CTNND2: variants seen among roughly 807,000 people sequenced by gnomAD.
CTNND2 encodes the protein catenin delta-2.
A neutral mutation model predicts 144.4 loss-of-function variants in CTNND2; 22 were observed. That is an observed-to-expected ratio of 0.15 (90% CI 0.11 to 0.22). The LOEUF (loss-of-function observed/expected upper bound fraction) is 0.22. Among genes scored for constraint, CTNND2 ranks in the 10% least tolerant of loss-of-function variants. The pLI is 1.00. For missense variants in CTNND2, 1,353 were observed against 1,618.8 expected, an observed-to-expected ratio of 0.84 and a Z score of 2.82; for synonymous variants, 751 against 695.6, an observed-to-expected ratio of 1.08 and a Z score of -1.25.
At chr5:11,036,217 A>G (rs1744049316) in intron 16 of CTNND2, among the ~76,000 whole-genome samples, 1 of 152,122 alleles carries the variant, frequency 6.6e-6, no homozygotes, top group Non-Finnish European at 1.5e-5. Context: ...TTTTAAATTA[A>G]TATTTAGCAA....
intron 2 of CTNND2, among the ~76,000 whole-genome samples, chr5:11,663,313 G>A (rs968767611): frequency 6.6e-6 from 1 of 152,124 alleles, no homozygotes; most frequent in African/African-American, 2.4e-5. Flanking sequence ...TCCCATTAAA[G>A]AGAAGATATT....
chr5:11,130,450 C>T (rs1755476327), intron 12 of CTNND2, among the ~76,000 whole-genome samples: 1 of 152,186 alleles, frequency 6.6e-6, no homozygotes, highest in Non-Finnish European at 1.5e-5. Context: ...AAGACACCCT[C>T]TTGCTGTCAA....
intron 11 of CTNND2, among the ~76,000 whole-genome samples, chr5:11,167,481 T>C (rs10513079): frequency 0.079 from 12,044 of 152,192 alleles, 815 homozygotes; most frequent in East Asian, 0.33. Context: ...ACTGACTAAA[T>C]TTACCTGGGT....
At chr5:11,443,458 G>GGT (rs572032623) in intron 3 of CTNND2, among the ~76,000 whole-genome samples, 4 of 148,462 alleles carry the variant, frequency 2.7e-5, no homozygotes, top group Non-Finnish European at 4.5e-5. Flanking sequence ...ATGTCTGTGC[G>GGT]GTGTGTGTGT....
At chr5:11,145,751 C>T (rs1357038195) in intron 12 of CTNND2, among the ~76,000 whole-genome samples, 2 of 152,126 alleles carry the variant, frequency 1.3e-5, no homozygotes, top group Non-Finnish European at 2.9e-5. Context: ...TCCATGGTTC[C>T]ACGCAGTCTA....
intron 2 of CTNND2, among the ~76,000 whole-genome samples, chr5:11,689,872 A>G (rs939595049): frequency 6.6e-6 from 1 of 152,208 alleles, no homozygotes; most frequent in Admixed American, 6.6e-5. Context: ...GTAACACAGC[A>G]GAAGCTATTT....
intron 9 of CTNND2, among the ~76,000 whole-genome samples, chr5:11,306,214 G>C (rs1272297717): frequency 2.6e-5 from 4 of 152,216 alleles, no homozygotes; most frequent in Non-Finnish European, 5.9e-5. Context: ...GAAGAGGCAA[G>C]AGATGATGCT....
intron 5 of CTNND2, among the ~76,000 whole-genome samples, chr5:11,407,470 A>C (rs1761186262): frequency 6.6e-6 from 1 of 152,242 alleles, no homozygotes; most frequent in Admixed American, 6.5e-5. Context: ...CAGAGCAGTT[A>C]CTGCTTGTCT....
chr5:11,121,632 A>T lies in CTNND2; in HGVS notation c.2160-4065T>A, dbSNP rs1469901464. ...AAAGACCAATCTATTTTTTATTTTA[A>T]TGCAACTAAACTGCTTCCTTTCCCC... On this transcript the variant is annotated intron_variant, in intron 12 of 21. Transcript: ENST00000304623. 4.6e-5 allele frequency among the ~76,000 whole-genome samples: 7 copies of T among 152,210 alleles called. No homozygotes were observed. In the South Asian group the frequency reaches 1.2e-3, roughly 27 times the overall value.
intron 2 of CTNND2, among the ~76,000 whole-genome samples, chr5:11,584,021 T>C (rs912137225): frequency 6.6e-6 from 1 of 152,216 alleles, no homozygotes; most frequent in Non-Finnish European, 1.5e-5. Flanking sequence ...CACGATAATG[T>C]GGGTGCAGTT....
At chr5:11,546,280 T>G (rs1399302405) in intron 3 of CTNND2, among the ~76,000 whole-genome samples, 1 of 81,952 alleles carries the variant, frequency 1.2e-5, no homozygotes, top group Non-Finnish European at 2.3e-5. Flanking sequence ...GATTTATATC[T>G]CAATAAAGCC....
intron 2 of CTNND2, among the ~76,000 whole-genome samples, chr5:11,684,095 T>C (rs1273474784): frequency 6.6e-6 from 1 of 152,142 alleles, no homozygotes; most frequent in African/African-American, 2.4e-5. Flanking sequence ...TATTTATTTT[T>C]ATTTTTATTT....
chr5:11,278,300 C>T lies in CTNND2; in HGVS notation c.1629-41477G>A, dbSNP rs554439365. ...TCTCTCTCCTGCCTCTGCTTCCTCACTGGGCTTCTTTTACAGGTCCTATTT... is the reference window on the plus strand; with the variant it reads ...TCTCTCTCCTGCCTCTGCTTCCTCATTGGGCTTCTTTTACAGGTCCTATTT... On this transcript the variant is annotated intron_variant, in intron 9 of 21. Transcript: ENST00000304623. Among the ~76,000 whole-genome samples, 3 of 152,332 alleles carry T rather than the reference C, an allele frequency of 2.0e-5. No individual in the cohort carries two copies. The South Asian group carries it at 6.2e-4, about 32-fold the overall frequency.
Position 11,221,493 on chromosome 5 carries a change from A to C in CTNND2, c.1761+15198T>G, listed in dbSNP as rs140818781. Among the ~76,000 whole-genome samples, 294 of 152,376 alleles carry C rather than the reference A, an allele frequency of 1.9e-3. 1 individual carries two copies. Among genetic ancestry groups the C allele is most frequent in the African/African-American group, 6.8e-3 (281 of 41,596 alleles). On this transcript the variant is annotated intron_variant, in intron 10 of 21. Transcript: ENST00000304623. ...GAAGAGTGATCAGAGGCTCAAAAGC[A>C]GTAAGTCTAAGATCATTTGCATAGG...
At chr5:11,339,285 T>A (rs1754015821) in intron 9 of CTNND2, among the ~76,000 whole-genome samples, 3 of 152,116 alleles carry the variant, frequency 2.0e-5, no homozygotes, top group South Asian at 4.1e-4. Flanking sequence ...CCTCATTTTT[T>A]AAACAGCCTC....
At chr5:11,580,768 T>C (rs1357690805) in intron 2 of CTNND2, among the ~76,000 whole-genome samples, 1 of 152,186 alleles carries the variant, frequency 6.6e-6, no homozygotes, top group Non-Finnish European at 1.5e-5. Flanking sequence ...AATAAAATGA[T>C]TCTATCTTCT....
At chr5:10,985,163 G>A (rs1275957811) in intron 20 of CTNND2, among the ~76,000 whole-genome samples, 1 of 152,136 alleles carries the variant, frequency 6.6e-6, no homozygotes, top group Non-Finnish European at 1.5e-5. Flanking sequence ...ACAGACCATT[G>A]GATGAAAGGG....
intron 9 of CTNND2, among the ~76,000 whole-genome samples, chr5:11,308,957 G>C (rs1404995082): frequency 6.6e-6 from 1 of 152,160 alleles, no homozygotes. Flanking sequence ...AGGGCAAAGG[G>C]GAACGTGGCA....
intron 16 of CTNND2, among the ~76,000 whole-genome samples, chr5:11,051,503 ATCT>A: frequency 6.6e-6 from 1 of 152,246 alleles, no homozygotes; most frequent in Non-Finnish European, 1.5e-5. Context: ...TCTTGATTGT[ATCT>A]ACATCTCTTA....
Sources: gnomAD v4.1 joint callset for allele counts (sites outside exome capture counted in the v4.1 genomes callset) on GRCh38, gnomAD v4.1.1 for gene constraint, MANE v1.5 for transcripts, NCBI Gene and HGNC (gene_info 2026-07-23, HGNC 2026-07-21) for gene names.